Variants in AFP observed in about 807,000 individuals in gnomAD.
The protein encoded by AFP is alpha fetoprotein.
Under a neutral mutation model 78.9 loss-of-function variants are expected in AFP, and 64 were observed. The observed-to-expected ratio is 0.81, with a 90% CI of 0.66 to 1.00. The LOEUF (loss-of-function observed/expected upper bound fraction) is 1.00. Among genes scored for constraint, AFP ranks in the 50% least tolerant of loss-of-function variants. AFP has a pLI of 0.00. For missense variants in AFP, 689 were observed against 703.8 expected (o/e 0.98, Z 0.24); for synonymous variants, 254 against 243.8 (o/e 1.04, Z -0.39).
chr4:73,449,241 A>G (rs986121502), intron 8 of AFP, 94 bp from the exon 9 acceptor site: 4 of 1,137,816 alleles, frequency 3.5e-6, no homozygotes, highest in Middle Eastern at 2.2e-4. Context: ...TTTAACTTCC[A>G]CATGCCATAT....
intron 8 of AFP, 136 bp from the exon 9 acceptor site, chr4:73,449,199 T>A: frequency 3.8e-6 from 3 of 799,844 alleles, no homozygotes; most frequent in Non-Finnish European, 5.9e-6. Context: ...ATAATTCAAA[T>A]CATATTTGAT....
intron 1 of AFP, among the ~76,000 whole-genome samples, chr4:73,436,929 T>C (rs1719526604): frequency 6.6e-6 from 1 of 151,866 alleles, no homozygotes; most frequent in Non-Finnish European, 1.5e-5. Flanking sequence ...GAAGACAAAA[T>C]CTGGATTTTA....
At position 73,447,567 on chromosome 4, in the gene AFP, G is replaced by A. The variant is rs1043658246; in HGVS notation, c.949G>A (p.Ala317Thr). ...TLERGQCIIH[A>T]ENDEKPEGLS... ...GGAACGTGGTCAATGTATAATTCAT[G>A]CAGAAAATGATGAAAAACCTGAAGG... Residue 317 changes from alanine (A) to threonine (T), a missense_variant, in exon 8 of 15, where the codon GCA becomes ACA. Ala to Thr is a moderately conservative substitution (Grantham distance 58, BLOSUM62 0). Transcript: ENST00000395792. 2 of 1,612,636 alleles carry A rather than the reference G, an allele frequency of 1.2e-6. No individual in the cohort carries two copies.
Position 73,450,137 on chromosome 4 carries a change from T to A in AFP, c.1289+4T>A. 4 of 1,598,372 alleles carry A rather than the reference T, an allele frequency of 2.5e-6. No homozygotes were observed. Among genetic ancestry groups the A allele is most frequent in the Non-Finnish European group, 8.6e-7 (1 of 1,166,352 alleles). ...GAGAATATTACTTACAAAATGCGTA[T>A]GTTTTTGTAAACAGTATTTTTAGTG... is the stretch of plus-strand genomic sequence containing the variant. On this transcript the variant is annotated splice_donor_region_variant and intron_variant, in intron 10 of 14. Transcript: ENST00000395792.
At chr4:73,452,369 T>C in intron 11 of AFP, 32 bp from the exon 12 acceptor site, 2 of 1,590,986 alleles carry the variant, frequency 1.3e-6, no homozygotes, top group Non-Finnish European at 1.7e-6. Flanking sequence ...ATGCCCAATC[T>C]CCTTACTTTT....
At chr4:73,446,349 G>GA (rs1466093582) in intron 7 of AFP, among the ~76,000 whole-genome samples, 3 of 151,986 alleles carry the variant, frequency 2.0e-5, no homozygotes, top group Non-Finnish European at 4.4e-5. Context: ...TCAATTTTTG[G>GA]AGCTCATAAC....
chr4:73,447,319 C>A, intron 7 of AFP, 143 bp from the exon 8 acceptor site: 2 of 419,802 alleles, frequency 4.8e-6, no homozygotes, highest in African/African-American at 2.2e-5. Flanking sequence ...TCCCTTTCCC[C>A]TTCCTTCTTT....
At chr4:73,443,289 GC>G in intron 5 of AFP, 57 bp from the exon 6 acceptor site, 3 of 1,291,752 alleles carry the variant, frequency 2.3e-6, no homozygotes, top group Non-Finnish European at 3.4e-6. Context: ...AAATATTAGA[GC>G]TTGTAAAGAA....
At chr4:73,451,394 TG>T (rs1288835791) in intron 11 of AFP, among the ~76,000 whole-genome samples, 2 of 152,208 alleles carry the variant, frequency 1.3e-5, no homozygotes, top group African/African-American at 4.8e-5. Context: ...AAGTCATAAT[TG>T]CAAACAAAAT....
At chr4:73,447,704 T>C in intron 8 of AFP, 28 bp downstream of exon 8, 3 of 1,553,542 alleles carry the variant, frequency 1.9e-6, no homozygotes, top group Non-Finnish European at 2.7e-6. Context: ...TGCATGTTCA[T>C]GCAAGTAAAA....
intron 2 of AFP, 47 bp from the exon 3 acceptor site, chr4:73,438,127 T>C: frequency 6.2e-7 from 1 of 1,607,810 alleles, no homozygotes; most frequent in Admixed American, 1.7e-5. Context: ...AAAAATAAGC[T>C]TGCTGCAGGT....
At chr4:73,438,373 A>T in intron 3 of AFP, 67 bp downstream of exon 3, 3 of 1,524,002 alleles carry the variant, frequency 2.0e-6, no homozygotes, top group Non-Finnish European at 2.7e-6. Flanking sequence ...AAGAGAAGAT[A>T]CAAAAATAGC....
At chr4:73,438,412 A>T in intron 3 of AFP, 106 bp downstream of exon 3, 1 of 1,291,060 alleles carries the variant, frequency 7.7e-7, no homozygotes, top group African/African-American at 1.5e-5. Context: ...ATATTTGAAG[A>T]GCTATTGTAT....
chr4:73,438,491 A>G (rs1455787336), intron 3 of AFP, among the ~76,000 whole-genome samples, 185 bp downstream of exon 3: 1 of 152,132 alleles, frequency 6.6e-6, no homozygotes, highest in African/African-American at 2.4e-5. Context: ...GTTATTATAA[A>G]GAGACCATAT....
At chr4:73,442,229 A>T in intron 4 of AFP, 67 bp from the exon 5 acceptor site, 2 of 1,442,164 alleles carry the variant, frequency 1.4e-6, no homozygotes, top group Non-Finnish European at 1.9e-6. Context: ...CCCAGTGTCC[A>T]GTTCCAAGCA....
Position 73,449,455 on chromosome 4 carries a change from C to A in AFP, c.1179C>A (p.Cys393Ter), listed in dbSNP as rs758289615. Residue 393 changes from cysteine (C) to a stop codon, truncating the protein, a stop_gained, in exon 9 of 15, where the codon TGC (cysteine) becomes TGA (stop). Transcript: ENST00000395792. LOFTEE classifies it high-confidence loss of function. ...TCCAGACTGAAAACCCTCTTGAATG[C>A]CAAGATAAAGGAGTAAGTTGCTCTA... ...KCFQTENPLECQDKGEEELQK... is the reference protein window; with the variant it reads ...KCFQTENPLE 4.3e-6 allele frequency: 7 copies of A among 1,613,384 alleles called. No homozygotes were observed. The East Asian group carries it at 1.1e-4, about 26-fold the overall frequency.
At chr4:73,453,931 G>A (rs1720085686) in intron 13 of AFP, 34 bp downstream of exon 13, 1 of 1,612,650 alleles carries the variant, frequency 6.2e-7, no homozygotes, top group East Asian at 2.2e-5. Context: ...CAAAATACTT[G>A]CTATGGAATT....
chr4:73,451,472 A>AGT lies in AFP; in HGVS notation c.1428+719_1428+720insGT, dbSNP rs1577959001. Among the ~76,000 whole-genome samples the AGT allele has an allele frequency of 2.0e-5, 3 of 152,168 alleles. No homozygotes were observed. The East Asian group carries it at 5.8e-4, about 29-fold the overall frequency. On this transcript the variant is annotated intron_variant, in intron 11 of 14. Transcript: ENST00000395792. Reference sequence around the variant, plus strand: ...TATTTGCTGTTAGTCTTCATGTCATACATTTTTTCCCCAAAGGTTAAGAGT... The same window carrying AGT: ...TATTTGCTGTTAGTCTTCATGTCATAGTCATTTTTTCCCCAAAGGTTAAGAGT...
chr4:73,446,809 C>T (rs939618604), intron 7 of AFP, among the ~76,000 whole-genome samples: 4 of 152,088 alleles, frequency 2.6e-5, no homozygotes, highest in Non-Finnish European at 5.9e-5. Flanking sequence ...AGCACATTTC[C>T]CTCTTATTTG....
Sources: allele counts gnomAD v4.1 joint callset (sites outside exome capture counted in the v4.1 genomes callset), GRCh38; gene constraint gnomAD v4.1.1; transcripts MANE v1.5; gene names NCBI Gene and HGNC (gene_info 2026-07-23, HGNC 2026-07-21).